The following MAP4K3 variants were observed in gnomAD, a reference collection of about 807,000 sequenced individuals.
MAP4K3 encodes MAPK/ERK kinase kinase kinase 3.
In MAP4K3, 94 loss-of-function variants were observed where a neutral mutation model predicts 143.5. The ratio of observed to expected loss-of-function variants is 0.65; its 90% CI spans 0.55 to 0.78. The LOEUF is 0.78. Ranked by LOEUF, MAP4K3 falls within the 30% of genes least tolerant of loss-of-function variation. The pLI is 0.00. For synonymous variants in MAP4K3, 416 were observed against 347.2 expected (o/e 1.20, Z -2.20); for missense variants, 1,077 against 1,068.1 (o/e 1.01, Z -0.12).
chr2:39,290,000 T>C lies in MAP4K3; in HGVS notation c.1314+292A>G, dbSNP rs954214109. On this transcript the variant is annotated intron_variant, in intron 19 of 33. Coordinates refer to ENST00000263881, the MANE Select transcript of MAP4K3 (RefSeq NM_003618.4). Reference sequence around the variant, plus strand: ...TACTGGGGAGGCTGAGGCAGGAGAATTGCTTGAACCCGAGAGGAGGAGGCT... The same window carrying C: ...TACTGGGGAGGCTGAGGCAGGAGAACTGCTTGAACCCGAGAGGAGGAGGCT... 1.9e-4 allele frequency among the ~76,000 whole-genome samples: 28 copies of C among 150,300 alleles called. 1 individual carries two copies. Among genetic ancestry groups the C allele is most frequent in the Non-Finnish European group, 1.2e-4 (8 of 67,918 alleles).
At chr2:39,352,646 A>G (rs1285249017) in intron 3 of MAP4K3, among the ~76,000 whole-genome samples, 4 of 152,192 alleles carry the variant, frequency 2.6e-5, no homozygotes, top group Non-Finnish European at 5.9e-5. Context: ...GATATTGAAC[A>G]GTGGAGTAGG....
intron 3 of MAP4K3, among the ~76,000 whole-genome samples, chr2:39,344,426 T>C (rs1211934857): frequency 6.6e-6 from 1 of 152,222 alleles, no homozygotes; most frequent in Admixed American, 6.5e-5. Flanking sequence ...CAAAAATATT[T>C]CTTGACATAT....
chr2:39,281,068 T>C (rs1405053058), intron 22 of MAP4K3, among the ~76,000 whole-genome samples: 1 of 152,196 alleles, frequency 6.6e-6, no homozygotes, highest in Non-Finnish European at 1.5e-5. Context: ...TCTGGTTAAA[T>C]ACTCAAGGTA....
chr2:39,424,947 C>T (rs1665020657), intron 1 of MAP4K3, among the ~76,000 whole-genome samples: 1 of 151,212 alleles, frequency 6.6e-6, no homozygotes, highest in Non-Finnish European at 1.5e-5. Flanking sequence ...AGTCATTGCT[C>T]TTTTGATTTG....
In MAP4K3 at chr2:39,280,354, C is replaced by A; in HGVS notation, c.1632G>T (p.Met544Ile). The change falls in exon 23 of 34, where the codon ATG becomes ATT. Residue 544 changes from methionine to isoleucine, a missense_variant and splice_region_variant. Transcript: ENST00000263881. ...TAAAAACTTTTGAAAAACATGCACC[C>A]ATCTAGGGAAACAAAGAATAACCAA... ...NGLPPTPKVH[M>I]GACFSKVFNG... The A allele has an allele frequency of 6.3e-7, 1 of 1,591,050 alleles. No homozygotes were observed. The highest frequency in any genetic ancestry group is 8.6e-7 in the Non-Finnish European group (1 of 1,164,020).
chr2:39,292,819 C>T lies in MAP4K3; in HGVS notation c.1225G>A (p.Val409Ile), dbSNP rs772424827. ...VEEELHQRGH[V>I]AHLEDDEGDD... ...CCTTCATCATCTTCTAAATGTGCGACGTGTCCTCTAAATAAAAAGGATAAT... is the reference window on the plus strand; with the variant it reads ...CCTTCATCATCTTCTAAATGTGCGATGTGTCCTCTAAATAAAAAGGATAAT... The change falls in exon 18 of 34, where the codon GTC (valine) becomes ATC (isoleucine). Residue 409 changes from valine to isoleucine, a missense_variant. Val to Ile is a conservative substitution (Grantham distance 29). This residue lies in a region of MAP4K3 where 864 missense variants were observed against 801.2 expected (regional missense o/e 1.08). Coordinates refer to ENST00000263881, the MANE Select transcript of MAP4K3 (RefSeq NM_003618.4). 2.0e-5 allele frequency: 32 copies of T among 1,611,786 alleles called. No homozygotes were observed. In the Admixed American group the frequency reaches 3.2e-4, roughly 16 times the overall value.
chr2:39,342,863 T>C (rs984197086), intron 4 of MAP4K3, among the ~76,000 whole-genome samples: 2 of 152,264 alleles, frequency 1.3e-5, no homozygotes, highest in East Asian at 3.9e-4. Context: ...AATAATCCAC[T>C]AATAGAAAGA....
chr2:39,430,243 C>G (rs894898208), intron 1 of MAP4K3, among the ~76,000 whole-genome samples: 1 of 152,120 alleles, frequency 6.6e-6, no homozygotes, highest in African/African-American at 2.4e-5. Context: ...ATCCTTTATA[C>G]AGAAAGAATT....
intron 1 of MAP4K3, among the ~76,000 whole-genome samples, chr2:39,423,276 G>C (rs767977748): frequency 6.6e-6 from 1 of 152,188 alleles, no homozygotes; most frequent in Non-Finnish European, 1.5e-5. Flanking sequence ...CCAAATGCTG[G>C]TGGGGATGTG....
chr2:39,335,184 G>A (rs898886754), intron 6 of MAP4K3, among the ~76,000 whole-genome samples: 2 of 152,114 alleles, frequency 1.3e-5, no homozygotes, highest in African/African-American at 4.8e-5. Flanking sequence ...CATGGTAAAG[G>A]CATCTGGACT....
chr2:39,425,699 G>C (rs573870234), intron 1 of MAP4K3, among the ~76,000 whole-genome samples: 1 of 47,292 alleles, frequency 2.1e-5, no homozygotes, highest in South Asian at 2.1e-3. Flanking sequence ...CCTGGTCTGT[G>C]GTATGTTGTT....
chr2:39,351,734 T>C (rs983450723), intron 3 of MAP4K3, among the ~76,000 whole-genome samples: 2 of 152,170 alleles, frequency 1.3e-5, no homozygotes, highest in Non-Finnish European at 2.9e-5. Flanking sequence ...AGTGGAGTGA[T>C]CTTGGCTCAC....
At chr2:39,269,988 C>A (rs75836786) in intron 26 of MAP4K3, among the ~76,000 whole-genome samples, 6 of 152,220 alleles carry the variant, frequency 3.9e-5, no homozygotes, top group Non-Finnish European at 7.4e-5. Flanking sequence ...TGAACCAAAG[C>A]GCTTTTTAGA....
In MAP4K3 at chr2:39,378,076, T is replaced by C; in HGVS notation, c.144A>G (p.Lys48=). 1 of 1,585,956 alleles carries C rather than the reference T, an allele frequency of 6.3e-7. No homozygotes were observed. Among genetic ancestry groups the C allele is most frequent in the Non-Finnish European group, 8.6e-7 (1 of 1,162,614 alleles). Reference sequence around the variant, plus strand: ...TTTCAAACAATTTACCTGGTTCCAATTTTATTACTTTAATTGCTGCTAATT... The same window carrying C: ...TTTCAAACAATTTACCTGGTTCCAACTTTATTACTTTAATTGCTGCTAATT... ...TGELAAIKVI[K]LEPGEDFAVV... Residue 48 remains lysine, a synonymous_variant, in exon 2 of 34, where the codon AAA becomes AAG. Coordinates refer to ENST00000263881, the MANE Select transcript of MAP4K3 (RefSeq NM_003618.4).
rs184993386 is a variant in MAP4K3 at position 39,309,281 on chromosome 2, G to A, written c.1056+180C>T. Among the ~76,000 whole-genome samples the A allele has an allele frequency of 1.9e-3, 296 of 152,158 alleles. 4 individuals carry two copies. The highest frequency in any genetic ancestry group is 6.9e-3 in the African/African-American group (287 of 41,520). ...TAGGACTACAAGTACACACTGCCAC[G>A]TCAACTAAGTTTTAACATTTTTTTG... On this transcript the variant is annotated intron_variant, in intron 14 of 33. Transcript: ENST00000263881.
intron 4 of MAP4K3, among the ~76,000 whole-genome samples, chr2:39,341,613 A>G (rs1296046658): frequency 1.3e-5 from 2 of 151,668 alleles, no homozygotes; most frequent in Admixed American, 6.6e-5. Flanking sequence ...CCGAGATAGC[A>G]CCACTGCACT....
chr2:39,262,129 G>C (rs1250212227), intron 28 of MAP4K3, among the ~76,000 whole-genome samples: 1 of 152,096 alleles, frequency 6.6e-6, no homozygotes, highest in Non-Finnish European at 1.5e-5. Flanking sequence ...AGCATTTTAT[G>C]AAGCTACTGG....
intron 3 of MAP4K3, among the ~76,000 whole-genome samples, chr2:39,354,022 T>C (rs954256993): frequency 1.3e-5 from 2 of 152,126 alleles, no homozygotes; most frequent in African/African-American, 4.8e-5. Context: ...AAGATACGAT[T>C]TGTCTCTGGC....
intron 1 of MAP4K3, among the ~76,000 whole-genome samples, chr2:39,409,546 T>C (rs1002357035): frequency 3.3e-5 from 5 of 152,134 alleles, no homozygotes; most frequent in Admixed American, 6.6e-5. Flanking sequence ...CTGGGCAACA[T>C]TTAAAAACAA....
Sources: allele counts gnomAD v4.1 joint callset (sites outside exome capture counted in the v4.1 genomes callset), GRCh38; gene constraint gnomAD v4.1.1; regional missense constraint gnomAD v4.1.1; transcripts MANE v1.5; gene names NCBI Gene and HGNC (gene_info 2026-07-23, HGNC 2026-07-21).